The following NTNG1 variants were observed in gnomAD, a reference collection of about 807,000 sequenced individuals.
NTNG1 encodes the protein netrin G1, also known as netrin-G1.
A neutral mutation model predicts 54.0 loss-of-function variants in NTNG1; 16 were observed. That is an observed-to-expected ratio of 0.30 (90% CI 0.20 to 0.45). The LOEUF (loss-of-function observed/expected upper bound fraction) is 0.45, where lower values mean the gene tolerates loss of function less well. Ranked by LOEUF, NTNG1 falls within the 20% of genes least tolerant of loss-of-function variation. The probability of loss-of-function intolerance (pLI) is 1.00; values close to 1 mark genes in which losing one functional copy is unlikely to be tolerated. For missense variants in NTNG1, 530 were observed against 678.7 expected, an observed-to-expected ratio of 0.78 and a Z score of 2.43; for synonymous variants, 255 against 263.1, an observed-to-expected ratio of 0.97 and a Z score of 0.30.
chr1:107,269,113 AT>A (rs1295717473), intron 2 of NTNG1, among the ~76,000 whole-genome samples: 1 of 152,112 alleles, frequency 6.6e-6, no homozygotes, highest in Non-Finnish European at 1.5e-5. Flanking sequence ...AAGTCAATCT[AT>A]TTTTAGTGAC....
At chr1:107,209,826 G>T (rs1168802090) in intron 2 of NTNG1, among the ~76,000 whole-genome samples, 3 of 152,158 alleles carry the variant, frequency 2.0e-5, no homozygotes, top group Admixed American at 1.3e-4. Flanking sequence ...CTGGCAACAG[G>T]TGTCCCTAGA....
chr1:107,314,423 A>G (rs75332628), intron 2 of NTNG1, among the ~76,000 whole-genome samples: 146,446 of 151,622 alleles, frequency 0.97, 70,870 homozygotes, highest in East Asian at 1. Flanking sequence ...AAATAAATAA[A>G]TAAATAAATA....
At chr1:107,460,503 C>A in intron 7 of NTNG1, 1 of 483,990 alleles carries the variant, frequency 2.1e-6, no homozygotes, top group Non-Finnish European at 4.1e-6. Flanking sequence ...TCCTCTATGG[C>A]CCATGGTTTA....
intron 1 of NTNG1, among the ~76,000 whole-genome samples, chr1:107,147,808 T>C (rs1021005922): frequency 9.9e-5 from 15 of 152,166 alleles, no homozygotes; most frequent in Non-Finnish European, 2.1e-4. Flanking sequence ...GATGGAAATA[T>C]AATTTTTGAA....
intron 2 of NTNG1, among the ~76,000 whole-genome samples, chr1:107,172,717 G>C (rs1208040386): frequency 6.6e-6 from 1 of 152,154 alleles, no homozygotes; most frequent in African/African-American, 2.4e-5. Context: ...GAATCAACCT[G>C]ATTAAGAGTT....
intron 2 of NTNG1, among the ~76,000 whole-genome samples, chr1:107,303,228 G>A (rs1666433155): frequency 6.6e-6 from 1 of 152,136 alleles, no homozygotes; most frequent in Non-Finnish European, 1.5e-5. Context: ...AGGACAAGCA[G>A]GTTTTTTGCT....
intron 5 of NTNG1, among the ~76,000 whole-genome samples, chr1:107,419,674 C>G (rs957574465): frequency 2.0e-5 from 3 of 147,112 alleles, no homozygotes; most frequent in African/African-American, 5.0e-5. Context: ...TAGCTATATA[C>G]AGGATGTTCC....
At chr1:107,254,181 A>C (rs1299233299) in intron 2 of NTNG1, among the ~76,000 whole-genome samples, 1 of 152,210 alleles carries the variant, frequency 6.6e-6, no homozygotes, top group Non-Finnish European at 1.5e-5. Flanking sequence ...TGTGTTCTTT[A>C]AATAAACACC....
intron 3 of NTNG1, among the ~76,000 whole-genome samples, chr1:107,345,362 G>C (rs373797621): frequency 1.6e-4 from 24 of 152,144 alleles, no homozygotes; most frequent in African/African-American, 5.5e-4. Flanking sequence ...ATTATTCTTT[G>C]TGTGAATCCA....
At chr1:107,198,237 G>T (rs749635380) in intron 2 of NTNG1, among the ~76,000 whole-genome samples, 1 of 151,280 alleles carries the variant, frequency 6.6e-6, no homozygotes, top group Non-Finnish European at 1.5e-5. Flanking sequence ...GACACATACT[G>T]ATATACTTAT....
rs1305452592 is a variant in NTNG1, at chr1:107,429,642, AC to A, written c.1088-1107del. Among the ~76,000 whole-genome samples, 11 of 152,148 alleles carry A rather than the reference AC, an allele frequency of 7.2e-5. No individual in the cohort carries two copies. In the South Asian group the frequency reaches 1.0e-3, roughly 14 times the overall value. The stretch of plus-strand genomic sequence containing the variant: ...ATATTGATGCAAGAAATATTTTTAA[AC>A]AAACAAAATTTGCAGTATCCTGGCT... On this transcript the variant is annotated intron_variant, in intron 5 of 7. Transcript: ENST00000370068.
chr1:107,451,500 G>A (rs527664401), intron 7 of NTNG1, among the ~76,000 whole-genome samples: 70 of 152,086 alleles, frequency 4.6e-4, no homozygotes, highest in Non-Finnish European at 9.0e-4. Flanking sequence ...ACTGTCATCG[G>A]CAGCACACTG....
chr1:107,290,639 A>C (rs1198433599), intron 2 of NTNG1, among the ~76,000 whole-genome samples: 1 of 152,102 alleles, frequency 6.6e-6, no homozygotes, highest in Non-Finnish European at 1.5e-5. Context: ...CTTCATATGG[A>C]CACAAACCAG....
intron 2 of NTNG1, among the ~76,000 whole-genome samples, chr1:107,263,761 A>C (rs1000244708): frequency 7.2e-5 from 11 of 152,190 alleles, no homozygotes; most frequent in Non-Finnish European, 1.5e-4. Context: ...TGCTCACGGC[A>C]CTTGCCTTTA....
intron 2 of NTNG1, among the ~76,000 whole-genome samples, chr1:107,149,936 A>G (rs1342883691): frequency 6.6e-6 from 1 of 152,166 alleles, no homozygotes; most frequent in Non-Finnish European, 1.5e-5. Flanking sequence ...TCAAAGTAGC[A>G]TCTGTTCACA....
At chr1:107,468,488 A>G (rs1677746274) in intron 7 of NTNG1, among the ~76,000 whole-genome samples, 1 of 152,206 alleles carries the variant, frequency 6.6e-6, no homozygotes, top group South Asian at 2.1e-4. Context: ...ATGTTTTACA[A>G]ATTTGTCTTC....
chr1:107,397,216 G>A (rs944265110), intron 4 of NTNG1, among the ~76,000 whole-genome samples: 2 of 152,246 alleles, frequency 1.3e-5, no homozygotes, highest in South Asian at 4.1e-4. Context: ...TTTCCTCATT[G>A]ATGTTAAAAT....
At chr1:107,145,257 T>C (rs1226858854) in intron 1 of NTNG1, among the ~76,000 whole-genome samples, 1 of 152,076 alleles carries the variant, frequency 6.6e-6, no homozygotes, top group Non-Finnish European at 1.5e-5. Flanking sequence ...GTATTTTCTT[T>C]GAAAACTCTG....
intron 3 of NTNG1, among the ~76,000 whole-genome samples, chr1:107,364,431 GT>G (rs1371124472): frequency 6.6e-6 from 1 of 152,084 alleles, no homozygotes; most frequent in Admixed American, 6.6e-5. Context: ...CATAATAAAG[GT>G]TTTTTGTTGT....
Sources: gnomAD v4.1 joint callset for allele counts (sites outside exome capture counted in the v4.1 genomes callset) on GRCh38, gnomAD v4.1.1 for gene constraint, MANE v1.5 for transcripts, NCBI Gene and HGNC (gene_info 2026-07-23, HGNC 2026-07-21) for gene names.